Variants in MECR observed in about 807,000 individuals in gnomAD.
MECR encodes the protein mitochondrial trans-2-enoyl-CoA reductase.
Under a neutral mutation model 49.1 loss-of-function variants are expected in MECR, and 37 were observed. The observed-to-expected ratio is 0.75, with a 90% CI of 0.58 to 0.99. MECR has a LOEUF of 0.99. Among genes scored for constraint, MECR ranks in the 50% least tolerant of loss-of-function variants. The pLI is 0.00. For synonymous variants in MECR, 198 were observed against 191.1 expected (o/e 1.04, Z -0.30); for missense variants, 470 against 479.6 (o/e 0.98, Z 0.19).
At chr1:29,171,821 C>T in the MECR span, 3 of 152,042 alleles carry the variant, frequency 2.0e-5, no homozygotes, top group Non-Finnish European at 1.5e-5. Flanking sequence ...CTTCGTATGG[C>T]CCTTAAATTC....
intron 3 of MECR, among the ~76,000 whole-genome samples, chr1:29,207,339 T>A (rs1331041172): frequency 6.6e-6 from 1 of 152,044 alleles, no homozygotes; most frequent in Non-Finnish European, 1.5e-5. Flanking sequence ...AGGCTGGTCT[T>A]GAACTCCCGG....
At chr1:29,229,585 A>G (rs1267602010) in intron 1 of MECR, among the ~76,000 whole-genome samples, 3 of 152,220 alleles carry the variant, frequency 2.0e-5, no homozygotes, top group African/African-American at 7.2e-5. Flanking sequence ...TGGGAATCAA[A>G]GAGTTAAAAA....
In MECR at chr1:29,207,565, C is replaced by A. The variant is rs573039093; in HGVS notation, c.407-660G>T. Among the ~76,000 whole-genome samples the A allele has an allele frequency of 3.3e-5, 5 of 150,644 alleles. No homozygotes were observed. The South Asian group carries it at 8.4e-4, about 25-fold the overall frequency. On this transcript the variant is annotated intron_variant, in intron 3 of 9. Transcript: ENST00000263702. ...GACCAGCCTGGGCAACATAGTGAGA[C>A]CTTGTCTCTACAGAAAAAAAAAAAA...
the MECR span, among the ~76,000 whole-genome samples, chr1:29,183,253 G>T: frequency 2.0e-5 from 3 of 152,140 alleles, no homozygotes; most frequent in Non-Finnish European, 2.9e-5. Context: ...TTCCTTAAGA[G>T]TATAAAAGGA....
rs927478714 is a variant in MECR at position 29,201,877 on chromosome 1, T to C, written c.756+66A>G. 2.3e-6 allele frequency: 3 copies of C among 1,325,482 alleles called. No individual in the cohort carries two copies. Among genetic ancestry groups the C allele is most frequent in the African/African-American group, 2.9e-5 (2 of 68,818 alleles). The allele number at this position is 1,325,482 out of a possible 1,614,324, so 82.1% of individuals were successfully genotyped here. A position where few individuals can be genotyped will look rare whatever the true frequency, so the allele number is the denominator to read the frequency against. ...TGGGGCCAGTCCCCAGTTTCTCTAA[T>C]GCATGTCAACTTTCTTCAGGGAGAT... On this transcript the variant is annotated intron_variant, in intron 6 of 9. Transcript: ENST00000263702. The surrounding 1 kb of genome is among the most constrained non-coding windows in gnomAD (Gnocchi z 4.3).
chr1:29,172,172 A>G, the MECR span: 1 of 152,230 alleles, frequency 6.6e-6, no homozygotes, highest in Non-Finnish European at 1.5e-5. Context: ...TCACATTTGT[A>G]ATAGTTATAT....
chr1:29,174,862 C>G, the MECR span, among the ~76,000 whole-genome samples: 2 of 151,232 alleles, frequency 1.3e-5, no homozygotes, highest in Admixed American at 1.3e-4. Context: ...TTAGTAGAGA[C>G]AGGGTTTCAC....
intron 3 of MECR, among the ~76,000 whole-genome samples, chr1:29,214,321 G>A (rs961737976): frequency 4.1e-5 from 6 of 147,540 alleles, no homozygotes; most frequent in African/African-American, 1.3e-4. Context: ...ATGGCCTCCC[G>A]AAGTTCTGGG....
At chr1:29,209,628 G>A (rs1558458092) in intron 3 of MECR, among the ~76,000 whole-genome samples, 1 of 152,092 alleles carries the variant, frequency 6.6e-6, no homozygotes, top group Non-Finnish European at 1.5e-5. Flanking sequence ...AATAGGATTT[G>A]GTGAGGACTG....
intron 9 of MECR, among the ~76,000 whole-genome samples, chr1:29,194,587 G>C (rs1050318557): frequency 1.1e-4 from 17 of 152,144 alleles, no homozygotes; most frequent in Non-Finnish European, 1.8e-4. Context: ...AAGTGATGTG[G>C]AACAGTTGAG....
the MECR span, among the ~76,000 whole-genome samples, chr1:29,178,720 C>CT: frequency 6.6e-6 from 1 of 152,196 alleles, no homozygotes; most frequent in East Asian, 1.9e-4. Flanking sequence ...ATCCACTGCC[C>CT]TTCTGCTAGG....
chr1:29,197,857 T>C (rs577516588), intron 7 of MECR, among the ~76,000 whole-genome samples: 34 of 152,352 alleles, frequency 2.2e-4, no homozygotes, highest in Admixed American at 1.2e-3. Context: ...CCTCAGGGAA[T>C]CCTCGTAACA....
At chr1:29,180,347 G>A in the MECR span, among the ~76,000 whole-genome samples, 1 of 152,124 alleles carries the variant, frequency 6.6e-6, no homozygotes, top group Non-Finnish European at 1.5e-5. Flanking sequence ...TTTTACTGTA[G>A]AAAAGGAGTA....
chr1:29,189,733 T>C (rs1290104997), downstream of MECR, among the ~76,000 whole-genome samples: 1 of 152,118 alleles, frequency 6.6e-6, no homozygotes, highest in Non-Finnish European at 1.5e-5. Context: ...CTTTAGTGCT[T>C]CCCTCCTCCA....
At chr1:29,203,021 A>G (rs573334411) in intron 5 of MECR, 110 bp downstream of exon 5, 3 of 782,492 alleles carry the variant, frequency 3.8e-6, no homozygotes, top group African/African-American at 3.5e-5. Context: ...GCCTAAAGCC[A>G]GTTTATGCTT....
At chr1:29,181,191 C>A in the MECR span, among the ~76,000 whole-genome samples, 1 of 152,196 alleles carries the variant, frequency 6.6e-6, no homozygotes, top group African/African-American at 2.4e-5. Context: ...GGGAAGACGG[C>A]GCTGTGACCG....
chr1:29,184,557 C>G, the MECR span, among the ~76,000 whole-genome samples: 1 of 151,872 alleles, frequency 6.6e-6, no homozygotes, highest in Non-Finnish European at 1.5e-5. Context: ...GATTCAAGAC[C>G]AGCCTGGTCA....
At chr1:29,184,155 G>C in the MECR span, among the ~76,000 whole-genome samples, 1 of 147,564 alleles carries the variant, frequency 6.8e-6, no homozygotes, top group African/African-American at 2.5e-5. Context: ...TGGGACTACA[G>C]GCGTGAGCCA....
At position 29,196,191 on chromosome 1, in the gene MECR, A is replaced by G. The variant is rs1468505335; in HGVS notation, c.891+7T>C. 6 of 1,614,006 alleles carry G rather than the reference A, an allele frequency of 3.7e-6. No homozygotes were observed. Among genetic ancestry groups the G allele is most frequent in the African/African-American group, 1.3e-5 (1 of 74,912 alleles). On this transcript the variant is annotated splice_region_variant and intron_variant, in intron 8 of 9. Coordinates refer to ENST00000263702, the MANE Select transcript of MECR (RefSeq NM_016011.5). ...TCCAGGCATGCCTCCCTCTGCACCC[A>G]GCTTACCACAGAGGCTACGACGGGC... is the stretch of plus-strand genomic sequence containing the variant.
Sources: allele counts gnomAD v4.1 joint callset (sites outside exome capture counted in the v4.1 genomes callset), GRCh38; gene constraint gnomAD v4.1.1; non-coding constraint Gnocchi (gnomAD v3.1); transcripts MANE v1.5; gene names NCBI Gene and HGNC (gene_info 2026-07-23, HGNC 2026-07-21).